Variants in SLC51A observed in about 807,000 individuals in gnomAD.
SLC51A encodes the protein organic solute transporter subunit alpha.
A neutral mutation model predicts 34.8 loss-of-function variants in SLC51A; 22 were observed. That is an observed-to-expected ratio of 0.63 (90% CI 0.45 to 0.90). The LOEUF is 0.90. SLC51A is among the 40% of genes least tolerant of loss of function. SLC51A has a pLI of 0.00. For synonymous variants in SLC51A, 181 were observed against 176.3 expected, an observed-to-expected ratio of 1.03 and a Z score of -0.21; for missense variants, 371 against 414.8, an observed-to-expected ratio of 0.89 and a Z score of 0.92.
chr3:196,221,749 T>C (rs1314237676), intron 2 of SLC51A, among the ~76,000 whole-genome samples: 2 of 151,454 alleles, frequency 1.3e-5, no homozygotes, highest in African/African-American at 4.9e-5. Flanking sequence ...AGAGTCTCGC[T>C]CTGTCCCCCA....
intron 2 of SLC51A, among the ~76,000 whole-genome samples, chr3:196,221,778 T>G (rs1033626816): frequency 6.6e-6 from 1 of 151,630 alleles, no homozygotes; most frequent in East Asian, 1.9e-4. Context: ...TGCAGTGGTG[T>G]GATCTCAGCT....
chr3:196,225,946 T>C (rs1013202523), intron 2 of SLC51A: 1 of 152,228 alleles, frequency 6.6e-6, no homozygotes, highest in Admixed American at 6.5e-5. Context: ...GGACTATAGT[T>C]CATGTAAGAC....
intron 2 of SLC51A, among the ~76,000 whole-genome samples, chr3:196,220,952 C>T (rs778039960): frequency 3.5e-5 from 5 of 144,238 alleles, no homozygotes; most frequent in East Asian, 2.1e-4. Context: ...TGCAGTGGTG[C>T]GATCTCGGCT....
At chr3:196,225,488 C>T (rs563782837) in intron 2 of SLC51A, among the ~76,000 whole-genome samples, 15 of 152,318 alleles carry the variant, frequency 9.8e-5, no homozygotes, top group Admixed American at 2.6e-4. Context: ...ATCCCTTCCT[C>T]GTGCTCACCC....
intron 2 of SLC51A, among the ~76,000 whole-genome samples, chr3:196,218,203 G>A (rs1045445079): frequency 3.9e-5 from 6 of 152,208 alleles, no homozygotes; most frequent in African/African-American, 1.2e-4. Flanking sequence ...TTCAAACTGC[G>A]GACACTGCGA....
chr3:196,224,165 CTA>C (rs1723837694), intron 2 of SLC51A, among the ~76,000 whole-genome samples: 1 of 151,448 alleles, frequency 6.6e-6, no homozygotes, highest in Admixed American at 6.6e-5. Flanking sequence ...AGCCCTTTCT[CTA>C]TGTTTTTATT....
chr3:196,224,718 G>GA (rs1723853123), intron 2 of SLC51A, among the ~76,000 whole-genome samples: 1 of 71,476 alleles, frequency 1.4e-5, no homozygotes, highest in Non-Finnish European at 2.8e-5. Context: ...GGAGATGGGA[G>GA]GGGAGGAGAG....
In SLC51A at chr3:196,228,196, G is replaced by A; in HGVS notation, c.444G>A (p.Leu148=). Residue 148 remains leucine (L), a synonymous_variant, in exon 5 of 9, where the codon CTG becomes CTA. Coordinates refer to ENST00000296327, the MANE Select transcript of SLC51A (RefSeq NM_152672.6). This position sits in a 1 kb window ranked among gnomAD's most constrained non-coding sequence, Gnocchi z 4.9. ...FGGKEAVLRT[L]RDTPMMVHTG... Reference sequence around the variant, plus strand: ...GGAAGGAGGCAGTGCTGAGGACGCTGAGGGACACCCCGATGATGGTCCACA... The same window carrying A: ...GGAAGGAGGCAGTGCTGAGGACGCTAAGGGACACCCCGATGATGGTCCACA... 1 of 1,614,098 alleles carries A rather than the reference G, an allele frequency of 6.2e-7. No homozygotes were observed. The highest frequency in any genetic ancestry group is 8.5e-7 in the Non-Finnish European group (1 of 1,180,040).
At chr3:196,224,141 G>A (rs1723836784) in intron 2 of SLC51A, 1 of 198,184 alleles carries the variant, frequency 5.0e-6, no homozygotes, top group Admixed American at 5.4e-5. Context: ...TTACAGGCAT[G>A]AGCCACTGTG....
rs895823860 is a variant in SLC51A at position 196,216,691 on chromosome 3, G to A, written c.-22G>A. The A allele has an allele frequency of 2.3e-5, 36 of 1,558,754 alleles. No individual in the cohort carries two copies. Among genetic ancestry groups the A allele is most frequent in the Admixed American group, 3.8e-5 (2 of 52,684 alleles). On this transcript the variant is annotated 5_prime_UTR_variant, in exon 1 of 9. Coordinates refer to ENST00000296327, the MANE Select transcript of SLC51A (RefSeq NM_152672.6). The surrounding 1 kb of genome is among the most constrained non-coding windows in gnomAD (Gnocchi z 4.5). ...CCCTTCCTCACCCCGGTGCCTGCGGGATTGCTGGAGAGAACGCGGCGATGG... is the reference window on the plus strand; with the variant it reads ...CCCTTCCTCACCCCGGTGCCTGCGGAATTGCTGGAGAGAACGCGGCGATGG...
chr3:196,217,832 G>A lies in SLC51A; in HGVS notation c.39-10G>A, dbSNP rs370979595. On this transcript the variant is annotated splice_polypyrimidine_tract_variant and intron_variant, in intron 1 of 8. Transcript: ENST00000296327. ...CCCATGGTTCTGAGCACAGGCTGGT[G>A]TCTCGCCAGGTACACAGCAGATCTT... 17 of 1,612,530 alleles carry A rather than the reference G, an allele frequency of 1.1e-5. No individual in the cohort carries two copies. Among genetic ancestry groups the A allele is most frequent in the African/African-American group, 1.3e-5 (1 of 74,884 alleles).
intron 2 of SLC51A, among the ~76,000 whole-genome samples, chr3:196,220,929 A>G (rs1224277774): frequency 7.3e-6 from 1 of 137,324 alleles, no homozygotes; most frequent in Non-Finnish European, 1.5e-5. Context: ...TCACTGTGTC[A>G]CTCAGGCTGG....
Position 196,222,409 on chromosome 3 carries a change from T to C in SLC51A, c.133+4473T>C, listed in dbSNP as rs112394228. Among the ~76,000 whole-genome samples, 833 of 147,806 alleles carry C rather than the reference T, an allele frequency of 5.6e-3. 7 individuals are homozygous for C. The highest frequency in any genetic ancestry group is 9.3e-3 in the Non-Finnish European group (608 of 65,420). ...CAGCACTTTGGGAGGCCGAGGCGGG[T>C]GGATCACTTGAGGTCAGGAGTTTGA... is the stretch of plus-strand genomic sequence containing the variant. On this transcript the variant is annotated intron_variant, in intron 2 of 8. Coordinates refer to ENST00000296327, the MANE Select transcript of SLC51A (RefSeq NM_152672.6).
chr3:196,230,957 G>A (rs555472268), intron 7 of SLC51A, among the ~76,000 whole-genome samples: 6 of 152,294 alleles, frequency 3.9e-5, no homozygotes, highest in African/African-American at 9.6e-5. Context: ...CCTGTAACAC[G>A]TGTGTTAGTT....
intron 3 of SLC51A, 24 bp downstream of exon 3, chr3:196,227,143 T>G (rs1170535312): frequency 1.9e-6 from 3 of 1,607,758 alleles, no homozygotes; most frequent in Non-Finnish European, 1.7e-6. Context: ...GGCTGCCCTG[T>G]GGGGGGAACT....
chr3:196,218,027 C>T (rs1349338433), intron 2 of SLC51A, 91 bp downstream of exon 2: 4 of 1,176,750 alleles, frequency 3.4e-6, no homozygotes, highest in East Asian at 2.6e-5. Context: ...AGCTGGTGCA[C>T]CTGGGCAGCC....
intron 2 of SLC51A, among the ~76,000 whole-genome samples, chr3:196,224,634 C>A (rs1392256167): frequency 1.4e-5 from 2 of 147,026 alleles, no homozygotes; most frequent in East Asian, 2.0e-4. Context: ...TAAGATCAGA[C>A]CAGTGCACTC....
Sources: gnomAD v4.1 joint callset for allele counts (sites outside exome capture counted in the v4.1 genomes callset) on GRCh38, gnomAD v4.1.1 for gene constraint, Gnocchi (gnomAD v3.1) non-coding constraint, MANE v1.5 for transcripts, NCBI Gene and HGNC (gene_info 2026-07-23, HGNC 2026-07-21) for gene names.